The following COL26A1 variants were observed in gnomAD, a reference collection of about 807,000 sequenced individuals.
COL26A1 encodes the protein collagen type XXVI alpha 1 chain.
A neutral mutation model predicts 59.3 loss-of-function variants in COL26A1; 41 were observed. The observed-to-expected ratio is 0.69, with a 90% CI of 0.54 to 0.90. The LOEUF (loss-of-function observed/expected upper bound fraction) is 0.90. Among genes scored for constraint, COL26A1 ranks in the 40% least tolerant of loss-of-function variants. The pLI is 0.00. For synonymous variants in COL26A1, 266 were observed against 256.0 expected (o/e 1.04, Z -0.37); for missense variants, 612 against 602.3 (o/e 1.02, Z -0.17).
intron 6 of COL26A1, among the ~76,000 whole-genome samples, 185 bp downstream of exon 6, chr7:101,544,281 G>A (rs142845795): frequency 0.028 from 4,204 of 152,230 alleles, 79 homozygotes; most frequent in Middle Eastern, 0.041. Flanking sequence ...AGGCTGGAGT[G>A]CAGTGATGCC....
chr7:101,556,775 C>T (rs896260304), intron 12 of COL26A1, among the ~76,000 whole-genome samples: 16 of 136,904 alleles, frequency 1.2e-4, no homozygotes, highest in Middle Eastern at 5.3e-3. Context: ...GGTGGATGGG[C>T]GGGTGAGTGG....
intron 2 of COL26A1, among the ~76,000 whole-genome samples, chr7:101,434,184 TTC>T (rs750005469): frequency 5.8e-5 from 6 of 102,874 alleles, no homozygotes; most frequent in Non-Finnish European, 8.4e-5. Flanking sequence ...CCTTCCTTCC[TTC>T]TCTCTCTCTC....
chr7:101,442,035 C>G (rs1018244342), intron 2 of COL26A1, among the ~76,000 whole-genome samples: 14 of 152,274 alleles, frequency 9.2e-5, no homozygotes, highest in African/African-American at 3.4e-4. Flanking sequence ...GAGCCCAGGG[C>G]TCCATTGATC....
chr7:101,528,073 G>A (rs910993478), intron 3 of COL26A1, among the ~76,000 whole-genome samples: 9 of 152,194 alleles, frequency 5.9e-5, no homozygotes, highest in African/African-American at 2.2e-4. Context: ...TGGGGGTGGT[G>A]TGGGGAGTCC....
In COL26A1 at chr7:101,456,386, A is replaced by C. The variant is rs547082711; in HGVS notation, c.385+8599A>C. On this transcript the variant is annotated intron_variant, in intron 3 of 12. Coordinates refer to ENST00000313669, the MANE Select transcript of COL26A1 (RefSeq NM_001278563.3). ...AACATGCTGAGCTAATTAAAAAAAA[A>C]AATTCTGTCTGGGCGCGGTGTCTCA... Among the ~76,000 whole-genome samples, 264 of 151,928 alleles carry C rather than the reference A, an allele frequency of 1.7e-3. 1 individual carries two copies. The highest frequency in any genetic ancestry group is 5.9e-3 in the African/African-American group (245 of 41,438).
chr7:101,428,292 A>T (rs1018883072), intron 2 of COL26A1, among the ~76,000 whole-genome samples: 2 of 150,202 alleles, frequency 1.3e-5, no homozygotes, highest in Non-Finnish European at 3.0e-5. Context: ...GGGAGGTTTG[A>T]GGCTGCAGTG....
chr7:101,489,912 T>C (rs1307205307), intron 3 of COL26A1, among the ~76,000 whole-genome samples: 3 of 101,574 alleles, frequency 3.0e-5, no homozygotes, highest in Non-Finnish European at 5.7e-5. Context: ...CTTTCTTTCT[T>C]TCTTTCTTGT....
chr7:101,403,833 C>A (rs777125154), intron 1 of COL26A1, among the ~76,000 whole-genome samples: 1 of 152,108 alleles, frequency 6.6e-6, no homozygotes. Flanking sequence ...CGGTGGCTCA[C>A]GCCTGTAATC....
intron 3 of COL26A1, among the ~76,000 whole-genome samples, chr7:101,480,664 C>CT: frequency 6.6e-6 from 1 of 152,100 alleles, no homozygotes; most frequent in South Asian, 2.1e-4. Context: ...CCATGCCCAG[C>CT]TTTTTGGGGG....
chr7:101,522,949 T>A (rs1300662460), intron 3 of COL26A1, among the ~76,000 whole-genome samples: 2 of 152,198 alleles, frequency 1.3e-5, no homozygotes, highest in Non-Finnish European at 2.9e-5. Flanking sequence ...CCCCTCTTCA[T>A]ATGATCATTG....
At chr7:101,379,789 A>G (rs1791402906) in intron 1 of COL26A1, among the ~76,000 whole-genome samples, 1 of 152,204 alleles carries the variant, frequency 6.6e-6, no homozygotes, top group Non-Finnish European at 1.5e-5. Flanking sequence ...CCTCACTGTT[A>G]CACTCCCACC....
intron 6 of COL26A1, 131 bp downstream of exon 6, chr7:101,544,227 C>CTT: frequency 5.2e-6 from 3 of 574,936 alleles, no homozygotes; most frequent in South Asian, 5.3e-5. Flanking sequence ...AAAACGGGGT[C>CTT]TTTTTTTTTT....
chr7:101,545,324 T>A lies in COL26A1; in HGVS notation c.704-14T>A. On this transcript the variant is annotated splice_polypyrimidine_tract_variant and intron_variant, in intron 6 of 12. Coordinates refer to ENST00000313669, the MANE Select transcript of COL26A1 (RefSeq NM_001278563.3). ...CTCCGGCTGCCACAGTGACTGTTCT[T>A]TTCCTCATTGCAGGGCTCCTGGGGC... 2 of 1,553,054 alleles carry A rather than the reference T, an allele frequency of 1.3e-6. No homozygotes were observed. The highest frequency in any genetic ancestry group is 1.2e-5 in the South Asian group (1 of 83,654).
intron 9 of COL26A1, among the ~76,000 whole-genome samples, chr7:101,549,429 T>C (rs1164514979): frequency 2.6e-5 from 4 of 152,218 alleles, no homozygotes; most frequent in Non-Finnish European, 5.9e-5. Flanking sequence ...TCACCCAGGC[T>C]GGAGTGCAGT....
chr7:101,465,978 C>T (rs887685977), intron 3 of COL26A1, among the ~76,000 whole-genome samples: 2 of 152,290 alleles, frequency 1.3e-5, no homozygotes, highest in South Asian at 2.1e-4. Flanking sequence ...CCAGGACTTG[C>T]TAACAACTTG....
chr7:101,495,411 A>AT (rs5886195), intron 3 of COL26A1, among the ~76,000 whole-genome samples: 20,969 of 142,330 alleles, frequency 0.15, 3,469 homozygotes, highest in African/African-American at 0.41. Context: ...AGCCTGGGGA[A>AT]TTTTTTTTTT....
intron 1 of COL26A1, among the ~76,000 whole-genome samples, chr7:101,375,496 G>A (rs971109689): frequency 1.3e-5 from 2 of 151,714 alleles, no homozygotes; most frequent in Admixed American, 1.3e-4. Flanking sequence ...AGGAGTTCGA[G>A]ACCAGCCCGG....
intron 3 of COL26A1, among the ~76,000 whole-genome samples, chr7:101,489,660 TCTTCCTTC>T (rs374707598): frequency 4.7e-4 from 23 of 48,644 alleles, no homozygotes; most frequent in Non-Finnish European, 5.5e-4. Context: ...TTTCTTTCTT[TCTTCCTTC>T]CTTCCTTCCT....
At chr7:101,463,605 T>TCCTC (rs1793667881) in intron 3 of COL26A1, among the ~76,000 whole-genome samples, 1 of 118,464 alleles carries the variant, frequency 8.4e-6, no homozygotes, top group Non-Finnish European at 1.7e-5. Context: ...CTCCCTTTCT[T>TCCTC]CTTCCCTCCC....
Sources: gnomAD v4.1 joint callset for allele counts (sites outside exome capture counted in the v4.1 genomes callset) on GRCh38, gnomAD v4.1.1 for gene constraint, MANE v1.5 for transcripts, NCBI Gene and HGNC (gene_info 2026-07-23, HGNC 2026-07-21) for gene names.